The following PUM1 variants were observed in gnomAD, a reference collection of about 807,000 sequenced individuals.
PUM1 encodes the protein pumilio RNA binding family member 1.
Under a neutral mutation model 131.8 loss-of-function variants are expected in PUM1, and 13 were observed. The observed-to-expected ratio is 0.10, with a 90% CI of 0.06 to 0.16. The LOEUF is 0.16. Among genes scored for constraint, PUM1 ranks in the 10% least tolerant of loss-of-function variants. PUM1 has a pLI of 1.00. For synonymous variants in PUM1, 509 were observed against 556.5 expected (o/e 0.91, Z 1.20); for missense variants, 961 against 1,512.4 (o/e 0.64, Z 6.05).
chr1:31,015,561 T>A (rs537881900), intron 3 of PUM1, among the ~76,000 whole-genome samples: 8 of 152,142 alleles, frequency 5.3e-5, no homozygotes, highest in Non-Finnish European at 1.5e-5. Flanking sequence ...CAGGATGGTC[T>A]TGATCTCCTG....
At chr1:30,947,921 A>G (rs1451549059) in intron 17 of PUM1, among the ~76,000 whole-genome samples, 1 of 146,684 alleles carries the variant, frequency 6.8e-6, no homozygotes. Flanking sequence ...TCTGTCACCC[A>G]GGCTGCTCAC....
chr1:30,943,776 T>C (rs981302870), intron 18 of PUM1, among the ~76,000 whole-genome samples: 2 of 152,244 alleles, frequency 1.3e-5, no homozygotes, highest in East Asian at 1.9e-4. Flanking sequence ...ACCAGCAGTG[T>C]ACCTCATTCC....
At chr1:31,061,901 C>G (rs1644377140) in intron 1 of PUM1, 1 of 152,308 alleles carries the variant, frequency 6.6e-6, no homozygotes, top group Non-Finnish European at 1.5e-5. Flanking sequence ...TGCACACCCG[C>G]TTGGGCGACA....
chr1:31,044,336 A>G (rs1643904371), intron 2 of PUM1, among the ~76,000 whole-genome samples: 1 of 152,198 alleles, frequency 6.6e-6, no homozygotes. Flanking sequence ...CAGGGGGCGG[A>G]GCCTGCAGTG....
intron 2 of PUM1, among the ~76,000 whole-genome samples, chr1:31,036,011 G>A (rs2124559914): frequency 6.6e-6 from 1 of 151,816 alleles, no homozygotes; most frequent in South Asian, 2.1e-4. Context: ...GGAAACCAAG[G>A]TTTACAGAAA....
intron 3 of PUM1, among the ~76,000 whole-genome samples, chr1:31,015,006 T>G (rs1467050793): frequency 6.6e-6 from 1 of 152,144 alleles, no homozygotes; most frequent in African/African-American, 2.4e-5. Context: ...AGTACAACAA[T>G]GTAAGCTCAC....
At chr1:30,979,138 A>G (rs1001881854) in intron 9 of PUM1, among the ~76,000 whole-genome samples, 1 of 139,058 alleles carries the variant, frequency 7.2e-6, no homozygotes, top group African/African-American at 2.9e-5. Context: ...AAAGAAAGAG[A>G]AAAAAAAAAA....
chr1:31,043,483 T>C (rs953343433), intron 2 of PUM1, among the ~76,000 whole-genome samples: 1 of 151,940 alleles, frequency 6.6e-6, no homozygotes, highest in Non-Finnish European at 1.5e-5. Context: ...GCCTCCCAAA[T>C]TGCTGGGATT....
rs191730077 is a variant in PUM1, at chr1:31,050,287, C to A, written c.363+8917G>T. 9.2e-5 allele frequency among the ~76,000 whole-genome samples: 14 copies of A among 152,078 alleles called. No individual in the cohort carries two copies. In the East Asian group the frequency reaches 2.7e-3, roughly 30 times the overall value. On this transcript the variant is annotated intron_variant, in intron 2 of 21. Coordinates refer to ENST00000426105, the MANE Select transcript of PUM1 (RefSeq NM_001020658.2). ...ACTGCTTGAGACCAGGAGTTTAAAA[C>A]CAGCCTGGACAACATTGTGAAACCC... is the stretch of plus-strand genomic sequence containing the variant.
chr1:30,989,199 A>G (rs1343420750), intron 7 of PUM1, among the ~76,000 whole-genome samples: 2 of 152,128 alleles, frequency 1.3e-5, no homozygotes, highest in East Asian at 1.9e-4. Context: ...TACTGAACAC[A>G]TATCTGTTTT....
chr1:31,018,528 T>G (rs569104129), intron 3 of PUM1, among the ~76,000 whole-genome samples: 1 of 151,166 alleles, frequency 6.6e-6, no homozygotes, highest in African/African-American at 2.4e-5. Context: ...TGTCATGGCA[T>G]GCACCCGTAG....
At chr1:31,032,262 G>A (rs1267339069) in intron 2 of PUM1, among the ~76,000 whole-genome samples, 7 of 152,116 alleles carry the variant, frequency 4.6e-5, no homozygotes, top group Admixed American at 1.3e-4. Context: ...TTCTTCCTAG[G>A]AAACAAAACT....
At position 31,004,042 on chromosome 1, in the gene PUM1, T is replaced by G. The variant is rs1293220840; in HGVS notation, c.720+1811A>C. 2.7e-4 allele frequency among the ~76,000 whole-genome samples: 41 copies of G among 152,208 alleles called. 1 individual carries two copies. Among genetic ancestry groups the G allele is most frequent in the Admixed American group, 2.7e-3 (41 of 15,286 alleles). ...GCAGCTCAGTAAATTATCTTGATGG[T>G]TAAAGTCCAATCTTCTGGCCCCATC... On this transcript the variant is annotated intron_variant, in intron 5 of 21. Coordinates refer to ENST00000426105, the MANE Select transcript of PUM1 (RefSeq NM_001020658.2).
At chr1:30,955,231 C>G (rs959218437) in intron 14 of PUM1, among the ~76,000 whole-genome samples, 1 of 150,412 alleles carries the variant, frequency 6.6e-6, no homozygotes, top group Non-Finnish European at 1.5e-5. Context: ...TGAGACGGGC[C>G]GATCACAAGG....
At chr1:31,014,401 T>G (rs141252605) in intron 3 of PUM1, among the ~76,000 whole-genome samples, 41 of 151,600 alleles carry the variant, frequency 2.7e-4, no homozygotes, top group Middle Eastern at 3.5e-3. Flanking sequence ...CCCCAGCACT[T>G]TAGGAGGCTG....
Position 30,965,965 on chromosome 1 carries a change from A to C in PUM1, c.2086+17T>G, listed in dbSNP as rs753225807. On this transcript the variant is annotated intron_variant, in intron 13 of 21. Transcript: ENST00000426105. The stretch of plus-strand genomic sequence containing the variant: ...AATTAAAATTCAGTCTTAAGAGCAT[A>C]TCAGTCTAATTTCTACCTGCTGTTC... 6.2e-7 allele frequency: 1 copy of C among 1,600,062 alleles called. No individual in the cohort carries two copies. Among genetic ancestry groups the C allele is most frequent in the Non-Finnish European group, 8.5e-7 (1 of 1,173,420 alleles).
At chr1:30,977,703 C>CA (rs2124463732) in intron 9 of PUM1, among the ~76,000 whole-genome samples, 1 of 152,204 alleles carries the variant, frequency 6.6e-6, no homozygotes, top group South Asian at 2.1e-4. Context: ...CTGACATATA[C>CA]AAAAAACAAG....
At chr1:30,963,547 C>G (rs1395864915) in intron 14 of PUM1, among the ~76,000 whole-genome samples, 1 of 152,190 alleles carries the variant, frequency 6.6e-6, no homozygotes, top group East Asian at 1.9e-4. Flanking sequence ...GCTATCACTC[C>G]TAGGTCTAGA....
intron 5 of PUM1, among the ~76,000 whole-genome samples, chr1:31,005,227 C>T (rs1642357709): frequency 6.6e-6 from 1 of 152,174 alleles, no homozygotes; most frequent in South Asian, 2.1e-4. Context: ...GCTATAGACA[C>T]AGAGACTTAT....
Sources: allele counts gnomAD v4.1 joint callset (sites outside exome capture counted in the v4.1 genomes callset), GRCh38; gene constraint gnomAD v4.1.1; transcripts MANE v1.5; gene names NCBI Gene and HGNC (gene_info 2026-07-23, HGNC 2026-07-21).